The following ATG4B variants were observed in gnomAD, a reference collection of about 807,000 sequenced individuals.
The protein encoded by ATG4B is cysteine protease ATG4B.
Under a neutral mutation model 56.6 loss-of-function variants are expected in ATG4B, and 29 were observed. The ratio of observed to expected loss-of-function variants is 0.51; its 90% CI spans 0.38 to 0.70. The LOEUF is 0.70. ATG4B is among the 30% of genes least tolerant of loss of function. The pLI, the probability that ATG4B is intolerant of heterozygous loss-of-function variation, is 0.00. For synonymous variants in ATG4B, 224 were observed against 206.1 expected (o/e 1.09, Z -0.74); for missense variants, 461 against 515.5 (o/e 0.89, Z 1.02).
chr2:241,664,916 A>G (rs571724170), intron 7 of ATG4B, among the ~76,000 whole-genome samples: 11 of 152,084 alleles, frequency 7.2e-5, no homozygotes, highest in Non-Finnish European at 1.5e-4. Flanking sequence ...GTGAACCGAG[A>G]TTATGCCACT....
At chr2:241,667,856 G>C (rs989412372) in intron 8 of ATG4B, 1 of 392,086 alleles carries the variant, frequency 2.6e-6, no homozygotes, top group Non-Finnish European at 4.7e-6. Flanking sequence ...GCCACCTCCC[G>C]CACCCCTGCT....
intron 7 of ATG4B, 85 bp downstream of exon 7, chr2:241,659,272 C>G (rs1200499316): frequency 1.6e-6 from 2 of 1,250,010 alleles, no homozygotes; most frequent in Non-Finnish European, 2.3e-6. Context: ...CCACGGGAGC[C>G]TCGGCGAGTG....
intron 10 of ATG4B, among the ~76,000 whole-genome samples, chr2:241,669,947 G>T (rs541568124): frequency 1.3e-5 from 2 of 152,206 alleles, no homozygotes; most frequent in African/African-American, 4.8e-5. Flanking sequence ...GCCAGCCACC[G>T]CAGACAGAGG....
At chr2:241,653,990 GAAAA>G (rs34757883) in intron 4 of ATG4B, among the ~76,000 whole-genome samples, 3 of 72,906 alleles carry the variant, frequency 4.1e-5, no homozygotes, top group Admixed American at 1.6e-4. Flanking sequence ...GACCCTATCT[GAAAA>G]AAAAAAAAAA....
chr2:241,643,032 A>C (rs916070249), intron 1 of ATG4B, among the ~76,000 whole-genome samples: 2 of 151,024 alleles, frequency 1.3e-5, no homozygotes, highest in Non-Finnish European at 3.0e-5. Flanking sequence ...ACAGGTGTGC[A>C]CCACCATGCC....
chr2:241,654,835 G>A (rs149009894), intron 5 of ATG4B, 188 bp downstream of exon 5: 119 of 604,890 alleles, frequency 2.0e-4, no homozygotes, highest in Non-Finnish European at 2.6e-4. Flanking sequence ...CATCACCCCC[G>A]TCCCACCCAG....
Position 241,654,633 on chromosome 2 carries a change from C to G in ATG4B, c.371C>G (p.Ser124Cys). The G allele has an allele frequency of 1.3e-6, 2 of 1,597,498 alleles. No individual in the cohort carries two copies. Among genetic ancestry groups the G allele is most frequent in the Non-Finnish European group, 1.7e-6 (2 of 1,172,138 alleles). Residue 124 changes from serine to cysteine, a missense_variant, in exon 5 of 13, where the codon TCC becomes TGC. By Grantham distance (112) the Ser-to-Cys change is moderately radical. Transcript: ENST00000404914. ...AFIDRKDSYY[S>C]IHQIAQMGVG... is the part of the protein sequence containing the mutation. Reference sequence around the variant, plus strand: ...ATCGACAGGAAGGACAGTTACTACTCCATTCACCAGATAGGTGGGAGGCTG... The same window carrying G: ...ATCGACAGGAAGGACAGTTACTACTGCATTCACCAGATAGGTGGGAGGCTG...
rs1444434134 is a variant in ATG4B, at chr2:241,654,009, A to AG, written c.283+399_283+400insG. Among the ~76,000 whole-genome samples, 127 of 148,246 alleles carry AG rather than the reference A, an allele frequency of 8.6e-4. No homozygotes were observed. In the East Asian group the frequency reaches 0.02, roughly 23 times the overall value. On this transcript the variant is annotated intron_variant, in intron 4 of 12. Transcript: ENST00000404914. Reference sequence around the variant, plus strand: ...CTATCTGAAAAAAAAAAAAAAAAAAAAAGAAGAAGAAGAATGCTAATAAAT... The same window carrying AG: ...CTATCTGAAAAAAAAAAAAAAAAAAAGAAGAAGAAGAAGAATGCTAATAAAT...
Position 241,672,388 on chromosome 2 carries a change from C to T in ATG4B, c.*124C>T. 1.1e-6 allele frequency: 1 copy of T among 874,694 alleles called. No individual in the cohort carries two copies. 54.2% of individuals were successfully genotyped at this position (874,694 alleles called of 1,614,324 possible). A position where few individuals can be genotyped will look rare whatever the true frequency, so the allele number is the denominator to read the frequency against. On this transcript the variant is annotated 3_prime_UTR_variant, in exon 13 of 13. Transcript: ENST00000404914. ...CGTGCTGCCTCCCCCCAGAGGGCCA[C>T]CCGCTGTGCTCGTGGACTGAGGCTG... is the stretch of plus-strand genomic sequence containing the variant.
At chr2:241,645,917 G>A (rs1289898889) in intron 1 of ATG4B, among the ~76,000 whole-genome samples, 2 of 152,164 alleles carry the variant, frequency 1.3e-5, no homozygotes, top group African/African-American at 2.4e-5. Context: ...CGGTGTGGGA[G>A]CCCTCCTTAG....
At position 241,668,073 on chromosome 2, in the gene ATG4B, C is replaced by T. The variant is rs1299987064; in HGVS notation, c.733-70C>T. On this transcript the variant is annotated intron_variant, in intron 8 of 12. Transcript: ENST00000404914. The surrounding 1 kb of genome is among the most constrained non-coding windows in gnomAD (Gnocchi z 4.2). ...GGGCCTCAGCAGGCCCTTGGGCCCC[C>T]TATGGCAGTGGGTGGGGGGACCGTC... 3 of 1,503,372 alleles carry T rather than the reference C, an allele frequency of 2.0e-6. No individual in the cohort carries two copies. In the Admixed American group the frequency reaches 6.0e-5, roughly 30 times the overall value. The allele number at this position is 1,503,372 out of a possible 1,614,324, so 93.1% of individuals were successfully genotyped here.
chr2:241,642,598 T>A (rs1298048599), intron 1 of ATG4B, among the ~76,000 whole-genome samples: 2 of 151,834 alleles, frequency 1.3e-5, no homozygotes, highest in Non-Finnish European at 2.9e-5. Flanking sequence ...TCTGGTTGAA[T>A]GAAGTGTAAT....
At chr2:241,670,647 C>T (rs2068938205) in intron 10 of ATG4B, 79 bp from the exon 11 acceptor site, 1 of 1,296,302 alleles carries the variant, frequency 7.7e-7, no homozygotes, top group Non-Finnish European at 1.1e-6. Context: ...GCGCCACTGG[C>T]AGTGGGAATG....
At chr2:241,653,849 A>G (rs1236671170) in intron 4 of ATG4B, among the ~76,000 whole-genome samples, 5 of 152,138 alleles carry the variant, frequency 3.3e-5, no homozygotes, top group Non-Finnish European at 2.9e-5. Context: ...AAAATTAGCC[A>G]GGCGTGGTGG....
chr2:241,653,230 G>T (rs556547032), intron 3 of ATG4B: 14 of 1,038,604 alleles, frequency 1.3e-5, no homozygotes, highest in South Asian at 9.5e-5. Context: ...ACTTACGGGG[G>T]TCAGTGTCTT....
At chr2:241,667,312 A>G (rs1412288807) in intron 8 of ATG4B, among the ~76,000 whole-genome samples, 2 of 152,140 alleles carry the variant, frequency 1.3e-5, no homozygotes, top group East Asian at 3.9e-4. Context: ...CCATGTCATG[A>G]AAGCAAAAGG....
At chr2:241,659,209 T>C (rs545284704) in intron 7 of ATG4B, 22 bp downstream of exon 7, 5 of 1,607,548 alleles carry the variant, frequency 3.1e-6, no homozygotes, top group Non-Finnish European at 3.4e-6. Context: ...AGAGTTTCCA[T>C]GGACAAGAAA....
rs1283338863 is a variant in ATG4B, at chr2:241,653,621, G to A, written c.283+11G>A. ...GGCACCTAGGCCGAGGTGAGTCACA[G>A]CCCTGGGGAGGGCGCATGGCCACGG... On this transcript the variant is annotated intron_variant, in intron 4 of 12. Transcript: ENST00000404914. 2 of 1,558,460 alleles carry A rather than the reference G, an allele frequency of 1.3e-6. No individual in the cohort carries two copies. Among genetic ancestry groups the A allele is most frequent in the Non-Finnish European group, 1.7e-6 (2 of 1,150,730 alleles).
chr2:241,668,185 A>G lies in ATG4B; in HGVS notation c.775A>G (p.Lys259Glu). The G allele has an allele frequency of 6.2e-7, 1 of 1,607,786 alleles. No homozygotes were observed. Among genetic ancestry groups the G allele is most frequent in the Non-Finnish European group, 8.5e-7 (1 of 1,177,554 alleles). The change falls in exon 9 of 13, where the codon AAG (lysine) becomes GAG (glutamate). Residue 259 changes from lysine to glutamate, a missense_variant. Transcript: ENST00000404914. This position sits in a 1 kb window ranked among gnomAD's most constrained non-coding sequence, Gnocchi z 4.2. ...MPQSLGVIGG[K>E]PNSAHYFIGY... ...CCAGTCCCTGGGCGTCATCGGAGGG[A>G]AGCCCAACAGCGCCCACTACTTCAT...
Sources: allele counts gnomAD v4.1 joint callset (sites outside exome capture counted in the v4.1 genomes callset), GRCh38; gene constraint gnomAD v4.1.1; non-coding constraint Gnocchi (gnomAD v3.1); transcripts MANE v1.5; gene names NCBI Gene and HGNC (gene_info 2026-07-23, HGNC 2026-07-21).